The following GAD1 variants were observed in gnomAD, a reference collection of about 807,000 sequenced individuals.
GAD1 encodes the protein 67 kDa glutamic acid decarboxylase.
A neutral mutation model predicts 75.2 loss-of-function variants in GAD1; 35 were observed. That is an observed-to-expected ratio of 0.47 (90% CI 0.36 to 0.62). The LOEUF (loss-of-function observed/expected upper bound fraction) is 0.62. Among genes scored for constraint, GAD1 ranks in the 20% least tolerant of loss-of-function variants. GAD1 has a pLI of 0.00. For synonymous variants in GAD1, 257 were observed against 271.9 expected (o/e 0.95, Z 0.54); for missense variants, 490 against 758.5 (o/e 0.65, Z 4.16).
At chr2:170,824,612 T>C (rs1701980669) in intron 3 of GAD1, among the ~76,000 whole-genome samples, 1 of 151,162 alleles carries the variant, frequency 6.6e-6, no homozygotes, top group African/African-American at 2.4e-5. Context: ...CCACCCACTC[T>C]CCCCCTGCCC....
Position 170,822,150 on chromosome 2 carries a change from G to T in GAD1, c.145+1G>T. On this transcript the variant is annotated splice_donor_variant, in intron 3 of 16. Transcript: ENST00000358196. LOFTEE classifies it high-confidence loss of function. ...AGAAAACTGGGGCTCAAGATCTGCG[G>T]TAAGTGACAGGACCCACTGGGGCCC... The T allele has an allele frequency of 6.2e-7, 1 of 1,612,286 alleles. No individual in the cohort carries two copies. Among genetic ancestry groups the T allele is most frequent in the Non-Finnish European group, 8.5e-7 (1 of 1,179,374 alleles).
intron 3 of GAD1, 66 bp from the exon 4 acceptor site, chr2:170,829,409 C>T: frequency 6.4e-7 from 1 of 1,556,404 alleles, no homozygotes; most frequent in Non-Finnish European, 8.8e-7. Flanking sequence ...TTGATTCACT[C>T]TGCAGCTGAC....
chr2:170,855,228 G>C (rs1039486021), intron 14 of GAD1, among the ~76,000 whole-genome samples: 1 of 62,686 alleles, frequency 1.6e-5, no homozygotes, highest in South Asian at 4.5e-4. Flanking sequence ...TTTTTTTTTT[G>C]AGACAGTTTC....
At chr2:170,851,216 T>A (rs909618383) in intron 12 of GAD1, among the ~76,000 whole-genome samples, 1 of 152,222 alleles carries the variant, frequency 6.6e-6, no homozygotes, top group African/African-American at 2.4e-5. Context: ...TTTCCTTTTG[T>A]AGCAGCAAAG....
At chr2:170,824,121 T>C (rs1056368402) in intron 3 of GAD1, among the ~76,000 whole-genome samples, 3 of 152,156 alleles carry the variant, frequency 2.0e-5, no homozygotes, top group African/African-American at 7.2e-5. Context: ...GGGGCTACAG[T>C]CCTCAGAGAG....
At chr2:170,829,739 T>C in intron 4 of GAD1, 106 bp downstream of exon 4, 1 of 1,297,072 alleles carries the variant, frequency 7.7e-7, no homozygotes, top group Non-Finnish European at 1.1e-6. Context: ...ATGTCATTAT[T>C]CTCTCTGAAC....
At chr2:170,835,593 A>T (rs1414164097) in intron 5 of GAD1, among the ~76,000 whole-genome samples, 2 of 152,178 alleles carry the variant, frequency 1.3e-5, no homozygotes, top group Non-Finnish European at 2.9e-5. Flanking sequence ...AAGAGATACT[A>T]TTTCACTTTG....
chr2:170,856,333 A>G (rs561350034), intron 14 of GAD1, among the ~76,000 whole-genome samples: 5 of 152,346 alleles, frequency 3.3e-5, no homozygotes, highest in South Asian at 2.1e-4. Context: ...ACTGAGACCA[A>G]TGGCTTCCCC....
At chr2:170,856,967 G>T in intron 14 of GAD1, 51 bp from the exon 15 acceptor site, 3 of 1,411,584 alleles carry the variant, frequency 2.1e-6, no homozygotes, top group Non-Finnish European at 3.0e-6. Flanking sequence ...CTTCCCAAAT[G>T]CTCATCACAG....
intron 11 of GAD1, chr2:170,848,851 C>G: frequency 1.9e-6 from 1 of 513,964 alleles, no homozygotes; most frequent in Non-Finnish European, 3.9e-6. Flanking sequence ...CCAAACCCAG[C>G]AGGAACTGCT....
At chr2:170,848,957 G>C in intron 11 of GAD1, 1 of 433,478 alleles carries the variant, frequency 2.3e-6, no homozygotes, top group South Asian at 1.9e-5. Flanking sequence ...GCCACCCGGA[G>C]GGGGACTCAC....
At chr2:170,842,710 A>T in intron 6 of GAD1, 1 of 1,609,742 alleles carries the variant, frequency 6.2e-7, no homozygotes, top group Non-Finnish European at 8.5e-7. Context: ...GGGGCCTCCC[A>T]AGGAAAATGG....
At chr2:170,845,059 G>C (rs544232641) in intron 7 of GAD1, among the ~76,000 whole-genome samples, 6 of 152,286 alleles carry the variant, frequency 3.9e-5, no homozygotes, top group African/African-American at 1.4e-4. Context: ...AGGTAACCAA[G>C]AAATGTCATT....
At chr2:170,836,769 G>C in intron 5 of GAD1, 24 bp from the exon 6 acceptor site, 10 of 1,568,592 alleles carry the variant, frequency 6.4e-6, no homozygotes, top group Non-Finnish European at 8.8e-6. Flanking sequence ...CATTTGCCTT[G>C]ATGCTTTTCT....
chr2:170,833,833 C>G (rs1219389155), intron 5 of GAD1, among the ~76,000 whole-genome samples: 1 of 152,038 alleles, frequency 6.6e-6, no homozygotes, highest in African/African-American at 2.4e-5. Flanking sequence ...AACCCCATCT[C>G]TACCAAAAAT....
In GAD1 at chr2:170,847,774, C is replaced by A; in HGVS notation, c.1101C>A (p.Asn367Lys). The part of the protein sequence containing the change: ...QEIADICEKY[N>K]LWLHVDAAWG... ...TTGCAGATATATGTGAGAAATATAA[C>A]CTTTGGTTGCATGTCGATGTAAGTG... is the stretch of plus-strand genomic sequence containing the variant. Residue 367 changes from asparagine to lysine, a missense_variant, in exon 11 of 17, where the codon AAC (asparagine) becomes AAA (lysine). By Grantham distance (94) the Asn-to-Lys change is moderately conservative. Coordinates refer to ENST00000358196, the MANE Select transcript of GAD1 (RefSeq NM_000817.3). The A allele has an allele frequency of 1.2e-6, 2 of 1,612,394 alleles. No individual in the cohort carries two copies. Among genetic ancestry groups the A allele is most frequent in the Non-Finnish European group, 1.7e-6 (2 of 1,178,434 alleles).
rs1255587533 is a variant in GAD1 at position 170,831,690 on chromosome 2, AAATAAT to A, written c.547+502_547+507del. On this transcript the variant is annotated intron_variant, in intron 5 of 16. Transcript: ENST00000358196. ...TATATAAATATTTAATATAATAAAT[AAATAAT>A]AATTATAAATAATAAAATTTAAAAA... Among the ~76,000 whole-genome samples the A allele has an allele frequency of 7.3e-3, 1,062 of 144,594 alleles. 17 individuals are homozygous for A. The highest frequency in any genetic ancestry group is 0.025 in the African/African-American group (996 of 39,634). 94.9% of individuals were successfully genotyped at this position (144,594 alleles called of 152,430 possible).
At chr2:170,848,701 T>G in intron 11 of GAD1, 1 of 518,856 alleles carries the variant, frequency 1.9e-6, no homozygotes, top group Non-Finnish European at 3.8e-6. Flanking sequence ...CTTCTCACAA[T>G]TGGCCAATAG....
intron 6 of GAD1, among the ~76,000 whole-genome samples, chr2:170,838,906 AG>A (rs934003277): frequency 3.3e-5 from 5 of 152,240 alleles, no homozygotes; most frequent in African/African-American, 1.2e-4. Context: ...ACAGATCGAT[AG>A]AGAAGGTTAT....
Sources: gnomAD v4.1 joint callset for allele counts (sites outside exome capture counted in the v4.1 genomes callset) on GRCh38, gnomAD v4.1.1 for gene constraint, MANE v1.5 for transcripts, NCBI Gene and HGNC (gene_info 2026-07-23, HGNC 2026-07-21) for gene names.